HSF1: variants seen among roughly 807,000 people sequenced by gnomAD.
The protein encoded by HSF1 is heat shock factor protein 1.
Under a neutral mutation model 51.7 loss-of-function variants are expected in HSF1, and 32 were observed. That is an observed-to-expected ratio of 0.62 (90% confidence interval 0.47 to 0.83). The LOEUF (loss-of-function observed/expected upper bound fraction) is 0.83. Among genes scored for constraint, HSF1 ranks in the 40% least tolerant of loss-of-function variants. The probability of loss-of-function intolerance (pLI) is 0.00; values close to 1 mark genes in which losing one functional copy is unlikely to be tolerated. For missense variants in HSF1, 727 were observed against 717.0 expected (o/e 1.01, Z -0.16); for synonymous variants, 396 against 309.7 (o/e 1.28, Z -2.92).
At chr8:144,301,222 C>T (rs1815844967) in intron 1 of HSF1, among the ~76,000 whole-genome samples, 1 of 151,832 alleles carries the variant, frequency 6.6e-6, no homozygotes. Context: ...AGTTCAAGAC[C>T]AGCCTGGGCA....
In HSF1 at chr8:144,309,264, AG is replaced by A. The variant is rs1357219056; in HGVS notation, c.227-188del. 21 of 741,506 alleles carry A rather than the reference AG, an allele frequency of 2.8e-5. No individual in the cohort carries two copies. In the African/African-American group the frequency reaches 3.4e-4, roughly 12 times the overall value. 45.9% of individuals were successfully genotyped at this position (741,506 alleles called of 1,614,324 possible). A position where few individuals can be genotyped will look rare whatever the true frequency, so the allele number is the denominator to read the frequency against. ...GCTGTACTCCACGTGTGTCGGGCGC[AG>A]GGAGCCCTGTGGGGACACAGGGTCT... On this transcript the variant is annotated intron_variant, in intron 2 of 12. Coordinates refer to ENST00000528838, the MANE Select transcript of HSF1 (RefSeq NM_005526.4).
chr8:144,306,736 C>G (rs1288670814), intron 1 of HSF1, among the ~76,000 whole-genome samples: 6 of 152,220 alleles, frequency 3.9e-5, no homozygotes, highest in African/African-American at 7.2e-5. Context: ...CAGGATTTGT[C>G]ATTGCTGCTG....
Position 144,309,235 on chromosome 8 carries a change from C to T in HSF1, c.227-220C>T, listed in dbSNP as rs535448929. On this transcript the variant is annotated intron_variant, in intron 2 of 12. Coordinates refer to ENST00000528838, the MANE Select transcript of HSF1 (RefSeq NM_005526.4). ...GGTCCCCATGGAAGAACCGTGAAGC[C>T]GGAGCTGTACTCCACGTGTGTCGGG... The T allele has an allele frequency of 2.4e-4, 162 of 672,106 alleles. 1 individual carries two copies. Among genetic ancestry groups the T allele is most frequent in the African/African-American group, 2.4e-3 (131 of 55,262 alleles). 41.6% of individuals were successfully genotyped at this position (672,106 alleles called of 1,614,324 possible).
At chr8:144,300,212 C>CTTTTTTTTTTT (rs1176636210) in intron 1 of HSF1, among the ~76,000 whole-genome samples, 1 of 87,744 alleles carries the variant, frequency 1.1e-5, no homozygotes. Context: ...GTTGTGTACT[C>CTTTTTTTTTTT]TTTTTTTTTT....
Position 144,312,185 on chromosome 8 carries a change from T to TGCCCAC in HSF1, c.1083_1084insGCCCAC (p.Pro361_Pro362insAlaHis). 1.3e-6 allele frequency: 2 copies of TGCCCAC among 1,532,946 alleles called. No individual in the cohort carries two copies. Among genetic ancestry groups the TGCCCAC allele is most frequent in the Non-Finnish European group, 1.8e-6 (2 of 1,117,508 alleles). The allele number at this position is 1,532,946 out of a possible 1,614,324, so 95.0% of individuals were successfully genotyped here. A position where few individuals can be genotyped will look rare whatever the true frequency, so the allele number is the denominator to read the frequency against. ...GCCACACGGACACCGAGGGCCGGCC[T>TGCCCAC]CCCTCCCCCCCGCCCACCTCCACCC... is the stretch of plus-strand genomic sequence containing the variant. On this transcript the variant is annotated inframe_insertion, in exon 9 of 13. Coordinates refer to ENST00000528838, the MANE Select transcript of HSF1 (RefSeq NM_005526.4).
At position 144,297,710 on chromosome 8, in the gene HSF1, G is replaced by A. The variant is rs565037254; in HGVS notation, c.117+5836G>A. Among the ~76,000 whole-genome samples, 41 of 152,328 alleles carry A rather than the reference G, an allele frequency of 2.7e-4. 1 individual carries two copies. The South Asian group carries it at 8.5e-3, about 32-fold the overall frequency. On this transcript the variant is annotated intron_variant, in intron 1 of 12. Transcript: ENST00000528838. The surrounding 1 kb of genome is among the most constrained non-coding windows in gnomAD (Gnocchi z 4.6). ...GCCTATACTCCCGGGACCCGGAGAG[G>A]GAACAGCCGGCCAGCCGAGCCCAGG... is the stretch of plus-strand genomic sequence containing the variant.
At chr8:144,310,756 C>T (rs1816579999) in intron 4 of HSF1, 1 of 220,184 alleles carries the variant, frequency 4.5e-6, no homozygotes. Flanking sequence ...GGGCCCTGAG[C>T]ACCTACAGGA....
chr8:144,308,394 A>T (rs1705055008), intron 1 of HSF1, among the ~76,000 whole-genome samples: 2 of 152,232 alleles, frequency 1.3e-5, no homozygotes, highest in South Asian at 4.1e-4. Flanking sequence ...GTCTCACGTC[A>T]CAAAACAAGA....
intron 1 of HSF1, among the ~76,000 whole-genome samples, chr8:144,305,600 C>T (rs1239361439): frequency 3.9e-5 from 6 of 152,002 alleles, no homozygotes; most frequent in Non-Finnish European, 5.9e-5. Context: ...TGCGCCTGGC[C>T]GGCTCCTCCT....
At position 144,291,957 on chromosome 8, in the gene HSF1, AG is replaced by A; in HGVS notation, c.117+87del. 1.5e-6 allele frequency: 1 copy of A among 672,154 alleles called. No individual in the cohort carries two copies. Among genetic ancestry groups the A allele is most frequent in the Non-Finnish European group, 2.2e-6 (1 of 452,620 alleles). 41.6% of individuals were successfully genotyped at this position (672,154 alleles called of 1,614,324 possible). On this transcript the variant is annotated intron_variant, in intron 1 of 12. Coordinates refer to ENST00000528838, the MANE Select transcript of HSF1 (RefSeq NM_005526.4). This position sits in a 1 kb window ranked among gnomAD's most constrained non-coding sequence, Gnocchi z 4.1. ...CGGACGGCGCGGGAGGGCTGCGGGG[AG>A]GGGCCCTGCCGCACTTCAGCTTACG...
chr8:144,310,117 G>A, intron 4 of HSF1: 2 of 570,896 alleles, frequency 3.5e-6, no homozygotes, highest in Non-Finnish European at 3.1e-6. Context: ...GGTTGGGAGG[G>A]TCCCCTGCTC....
Position 144,309,611 on chromosome 8 carries a change from C to T in HSF1, c.363+20C>T. The T allele has an allele frequency of 1.2e-6, 2 of 1,612,748 alleles. No homozygotes were observed. Among genetic ancestry groups the T allele is most frequent in the Non-Finnish European group, 1.7e-6 (2 of 1,179,432 alleles). On this transcript the variant is annotated intron_variant, in intron 3 of 12. Transcript: ENST00000528838. ...ACCAGTGTGAGTGCCGGCCCTGCAC[C>T]CTTGCCCGGTCTCACCTGCCACAGC... is the stretch of plus-strand genomic sequence containing the variant.
chr8:144,313,869 G>T lies in HSF1; in HGVS notation c.1272G>T (p.Val424=). 2.5e-6 allele frequency: 4 copies of T among 1,601,390 alleles called. No individual in the cohort carries two copies. The highest frequency in any genetic ancestry group is 3.4e-6 in the Non-Finnish European group (4 of 1,176,918). ...LLDLFSPSVT[V]PDMSLPDLDS... ...AGCTGTTCAGCCCCTCGGTGACCGT[G>T]CCCGACATGAGCCTGCCTGACCTTG... Residue 424 remains valine, a synonymous_variant, in exon 11 of 13, where the codon GTG becomes GTT. Transcript: ENST00000528838.
In HSF1 at chr8:144,312,026, C is replaced by T. The variant is rs782805068; in HGVS notation, c.924C>T (p.Pro308=). Reference sequence around the variant, plus strand: ...AGCCCCCCAGCCCGCCTCAGAGCCCCCGGGTAGAGGAGGCGAGTCCCGGGC... The same window carrying T: ...AGCCCCCCAGCCCGCCTCAGAGCCCTCGGGTAGAGGAGGCGAGTCCCGGGC... The part of the protein sequence containing the change: ...KEEPPSPPQS[P]RVEEASPGRP... Residue 308 remains proline (P), a synonymous_variant, in exon 9 of 13, where the codon CCC becomes CCT. Transcript: ENST00000528838. 2 of 1,608,894 alleles carry T rather than the reference C, an allele frequency of 1.2e-6. No individual in the cohort carries two copies. The highest frequency in any genetic ancestry group is 3.3e-5 in the Admixed American group (2 of 59,858).
At chr8:144,294,004 C>T (rs1554840887) in intron 1 of HSF1, among the ~76,000 whole-genome samples, 2 of 151,908 alleles carry the variant, frequency 1.3e-5, no homozygotes, top group African/African-American at 4.8e-5. Context: ...CCGTGGCCAG[C>T]CTCCACTCCA....
At chr8:144,306,724 C>T (rs1816251286) in intron 1 of HSF1, among the ~76,000 whole-genome samples, 1 of 152,206 alleles carries the variant, frequency 6.6e-6, no homozygotes, top group African/African-American at 2.4e-5. Flanking sequence ...CCCCCACCTC[C>T]CCAGGATTTG....
chr8:144,302,060 G>T (rs1815925848), intron 1 of HSF1, among the ~76,000 whole-genome samples: 1 of 150,910 alleles, frequency 6.6e-6, no homozygotes, highest in South Asian at 2.2e-4. Context: ...CCGCTACTCG[G>T]GAGGCTGAGG....
intron 1 of HSF1, among the ~76,000 whole-genome samples, chr8:144,307,883 A>G (rs1816325663): frequency 6.6e-6 from 1 of 152,176 alleles, no homozygotes; most frequent in African/African-American, 2.4e-5. Flanking sequence ...TTCTTTGGTT[A>G]ACTTTCAGAG....
chr8:144,291,874 G>A lies in HSF1; in HGVS notation c.117G>A (p.Pro39=), dbSNP rs1815109536. 1 of 1,516,726 alleles carries A rather than the reference G, an allele frequency of 6.6e-7. No individual in the cohort carries two copies. The allele number at this position is 1,516,726 out of a possible 1,614,324, so 94.0% of individuals were successfully genotyped here. ...CCGACGCGCTCATCTGCTGGAGCCC[G>A]GTGAGGGCAGCGCGCGGGCGCGGGG... The part of the protein sequence containing the change: ...PDTDALICWS[P]SGNSFHVFDQ... Residue 39 remains proline (P), a splice_region_variant and synonymous_variant, in exon 1 of 13, where the codon CCG becomes CCA. Coordinates refer to ENST00000528838, the MANE Select transcript of HSF1 (RefSeq NM_005526.4). This position sits in a 1 kb window ranked among gnomAD's most constrained non-coding sequence, Gnocchi z 4.1.
Sources: gnomAD v4.1 joint callset for allele counts (sites outside exome capture counted in the v4.1 genomes callset) on GRCh38, gnomAD v4.1.1 for gene constraint, Gnocchi (gnomAD v3.1) non-coding constraint, MANE v1.5 for transcripts, NCBI Gene and HGNC (gene_info 2026-07-23, HGNC 2026-07-21) for gene names.